The following FTCD variants were observed in gnomAD, a reference collection of about 807,000 sequenced individuals.
FTCD encodes formimidoyltransferase cyclodeaminase, also known as formimidoyltransferase-cyclodeaminase.
In FTCD, 76 loss-of-function variants were observed where a neutral mutation model predicts 62.9. The observed-to-expected ratio is 1.21, with a 90% CI of 1.00 to 1.46. The LOEUF (loss-of-function observed/expected upper bound fraction) is 1.46, where lower values mean the gene tolerates loss of function less well. Ranked by LOEUF, FTCD falls within the 40% of genes most tolerant of loss-of-function variation. The pLI, the probability that FTCD is intolerant of heterozygous loss-of-function variation, is 0.00. For missense variants in FTCD, 845 were observed against 751.3 expected, an observed-to-expected ratio of 1.12 and a Z score of -1.46; for synonymous variants, 397 against 336.9, an observed-to-expected ratio of 1.18 and a Z score of -1.95.
intron 12 of FTCD, among the ~76,000 whole-genome samples, chr21:46,137,991 T>A (rs1198075557): frequency 6.6e-6 from 1 of 152,172 alleles, no homozygotes; most frequent in Non-Finnish European, 1.5e-5. Flanking sequence ...TGACCTCCTG[T>A]GCTCAAGCAA....
Position 46,138,739 on chromosome 21 carries a change from A to G in FTCD, c.1305-93T>C, listed in dbSNP as rs899798347. On this transcript the variant is annotated intron_variant, in intron 11 of 13. Coordinates refer to ENST00000397746, the MANE Select transcript of FTCD (RefSeq NM_206965.2). ...CCAACAGGGCTGAGCAGGCTGCAGA[A>G]GCGGGCGATGGGAAGTCATTCCCAA... 27 of 1,485,554 alleles carry G rather than the reference A, an allele frequency of 1.8e-5. 1 individual carries two copies. The highest frequency in any genetic ancestry group is 4.5e-5 in the South Asian group (4 of 88,824). The allele number at this position is 1,485,554 out of a possible 1,614,324, so 92.0% of individuals were successfully genotyped here. A position where few individuals can be genotyped will look rare whatever the true frequency, so the allele number is the denominator to read the frequency against.
chr21:46,145,326 C>A, intron 10 of FTCD, 91 bp downstream of exon 10: 1 of 1,117,342 alleles, frequency 8.9e-7, no homozygotes, highest in African/African-American at 1.5e-5. Context: ...AGCCCCTCCC[C>A]AGCCGGAGGC....
intron 1 of FTCD, 129 bp downstream of exon 1, chr21:46,155,341 G>A: frequency 2.6e-6 from 2 of 778,324 alleles, no homozygotes; most frequent in East Asian, 2.7e-5. Flanking sequence ...GGGCCCACGG[G>A]CAGCGGCTCT....
intron 10 of FTCD, among the ~76,000 whole-genome samples, chr21:46,141,716 T>TAAAA (rs111415592): frequency 6.9e-6 from 1 of 145,184 alleles, no homozygotes; most frequent in African/African-American, 2.5e-5. Flanking sequence ...CCTCCCCTAT[T>TAAAA]AAAAAAAAAA....
chr21:46,136,412 G>C (rs757576836), downstream of FTCD: 2 of 1,610,830 alleles, frequency 1.2e-6, no homozygotes, highest in Admixed American at 1.7e-5. Flanking sequence ...GTGCTCTGTG[G>C]AACTGTCCAG....
intron 5 of FTCD, 148 bp downstream of exon 5, chr21:46,151,410 G>T (rs933286592): frequency 2.7e-6 from 2 of 739,318 alleles, no homozygotes; most frequent in Non-Finnish European, 4.6e-6. Flanking sequence ...CGGTGTGGAC[G>T]CGGAGGCTGG....
At chr21:46,137,360 C>G (rs201425308) in intron 12 of FTCD, 26 bp from the exon 13 acceptor site, 1 of 1,569,740 alleles carries the variant, frequency 6.4e-7, no homozygotes, top group African/African-American at 1.4e-5. Flanking sequence ...GGAGCCCCTA[C>G]ATGGATCAAG....
Position 46,146,334 on chromosome 21 carries a change from A to G in FTCD, c.907-7T>C. 1.9e-6 allele frequency: 3 copies of G among 1,594,486 alleles called. No individual in the cohort carries two copies. The South Asian group carries it at 3.4e-5, about 18-fold the overall frequency. ...GGCCCAGCCGGCTCACCACCTGGAAAAGGGGCTTGGAGTGGAAACGGCCTC... is the reference window on the plus strand; with the variant it reads ...GGCCCAGCCGGCTCACCACCTGGAAGAGGGGCTTGGAGTGGAAACGGCCTC... On this transcript the variant is annotated splice_region_variant and splice_polypyrimidine_tract_variant and intron_variant, in intron 7 of 13. Transcript: ENST00000397746.
intron 3 of FTCD, 166 bp downstream of exon 3, chr21:46,152,741 C>A (rs180884892): frequency 5.1e-5 from 31 of 607,664 alleles, no homozygotes; most frequent in Non-Finnish European, 8.3e-5. Flanking sequence ...GGCGAGGCTG[C>A]GTTTATTTCG....
Position 46,152,919 on chromosome 21 carries a change from G to C in FTCD, c.355C>G (p.Leu119Val). The C allele has an allele frequency of 1.3e-6, 2 of 1,569,504 alleles. No individual in the cohort carries two copies. Among genetic ancestry groups the C allele is most frequent in the Non-Finnish European group, 1.7e-6 (2 of 1,157,710 alleles). The change falls in exon 3 of 14, where the codon CTG (leucine) becomes GTG (valine). Residue 119 changes from leucine to valine, a missense_variant. By Grantham distance (32) the Leu-to-Val change is conservative. Coordinates refer to ENST00000397746, the MANE Select transcript of FTCD (RefSeq NM_206965.2). ...QAFGQRLAEELDVPVYLYGEA... is the reference protein window; with the variant it reads ...QAFGQRLAEEVDVPVYLYGEA... ...GGGGCACGCTCACCTGGCACGTCCA[G>C]CTCCTCTGCCAGCCTCTGGCCAAAG...
rs368540665 is a variant in FTCD at position 46,137,281 on chromosome 21, G to A, written c.1497C>T (p.Leu499=). The A allele has an allele frequency of 1.5e-5, 24 of 1,613,746 alleles. No individual in the cohort carries two copies. The African/African-American group carries it at 1.9e-4, about 13-fold the overall frequency. ...CGTCTGTGATGTCCCTCAGGTTGAT[G>A]AGCACGTTGAAATATGCGCCAAACA... The part of the protein sequence containing the change: ...MGVFGAYFNV[L]INLRDITDEA... The change falls in exon 13 of 14, where the codon CTC becomes CTT. Residue 499 remains leucine, a synonymous_variant. Coordinates refer to ENST00000397746, the MANE Select transcript of FTCD (RefSeq NM_206965.2).
Position 46,136,827 on chromosome 21 carries a change from G to C in FTCD, c.*160C>G. The C allele has an allele frequency of 1.3e-6, 2 of 1,549,400 alleles. No individual in the cohort carries two copies. Among genetic ancestry groups the C allele is most frequent in the Non-Finnish European group, 1.7e-6 (2 of 1,146,402 alleles). On this transcript the variant is annotated 3_prime_UTR_variant, in exon 14 of 14. Transcript: ENST00000397746. ...GGTCACATGGGACTAGGGGCCTTCT[G>C]TCCCTGCCAGCGCCTCCATTCCCAG...
chr21:46,145,960 C>A lies in FTCD; in HGVS notation c.969-13G>T. The A allele has an allele frequency of 6.9e-7, 1 of 1,453,708 alleles. No individual in the cohort carries two copies. Among genetic ancestry groups the A allele is most frequent in the Non-Finnish European group, 9.1e-7 (1 of 1,093,820 alleles). 90.1% of individuals were successfully genotyped at this position (1,453,708 alleles called of 1,614,324 possible). A position where few individuals can be genotyped will look rare whatever the true frequency, so the allele number is the denominator to read the frequency against. On this transcript the variant is annotated splice_polypyrimidine_tract_variant and intron_variant, in intron 8 of 13. Coordinates refer to ENST00000397746, the MANE Select transcript of FTCD (RefSeq NM_206965.2). ...AGGGACCAGGTACCTGCAGGGTGGGCGCGGCTCAGCGGGTCTGGCCGGGGT... is the reference window on the plus strand; with the variant it reads ...AGGGACCAGGTACCTGCAGGGTGGGAGCGGCTCAGCGGGTCTGGCCGGGGT...
intron 10 of FTCD, chr21:46,142,326 C>T (rs1019670470): frequency 6.8e-6 from 1 of 146,196 alleles, no homozygotes; most frequent in Non-Finnish European, 1.5e-5. Context: ...CCGGTGAGGC[C>T]GCAGACCTTC....
Position 46,145,589 on chromosome 21 carries a change from G to A in FTCD, c.1099-11C>T, listed in dbSNP as rs1164897596. The A allele has an allele frequency of 5.9e-6, 9 of 1,528,152 alleles. No individual in the cohort carries two copies. Among genetic ancestry groups the A allele is most frequent in the South Asian group, 1.2e-5 (1 of 83,430 alleles). 94.7% of individuals were successfully genotyped at this position (1,528,152 alleles called of 1,614,324 possible). A position where few individuals can be genotyped will look rare whatever the true frequency, so the allele number is the denominator to read the frequency against. ...GCCCAGCGCCGCACCCTGCGAGAGG[G>A]GTGGATGTGGGGGTCGCAGGGACCC... On this transcript the variant is annotated splice_polypyrimidine_tract_variant and intron_variant, in intron 9 of 13. Transcript: ENST00000397746.
chr21:46,151,969 C>A lies in FTCD; in HGVS notation c.379G>T (p.Gly127Cys), dbSNP rs766010122. The A allele has an allele frequency of 1.9e-6, 3 of 1,566,398 alleles. No individual in the cohort carries two copies. The highest frequency in any genetic ancestry group is 1.2e-5 in the South Asian group (1 of 85,498). The change falls in exon 4 of 14, where the codon GGC becomes TGC. Residue 127 changes from glycine (G) to cysteine (C), a missense_variant. Physicochemically the swap from Gly to Cys is radical, Grantham distance 159. Coordinates refer to ENST00000397746, the MANE Select transcript of FTCD (RefSeq NM_206965.2). Reference sequence around the variant, plus strand: ...CGACTGTCCATCCTGGCTGCCTCGCCGTACAGGTAAACTGCAGGAGAGCCC... The same window carrying A: ...CGACTGTCCATCCTGGCTGCCTCGCAGTACAGGTAAACTGCAGGAGAGCCC... ...EELDVPVYLY[G>C]EAARMDSRRT...
At position 46,138,626 on chromosome 21, in the gene FTCD, T is replaced by G. The variant is rs754699274; in HGVS notation, c.1325A>C (p.Glu442Ala). Reference sequence around the variant, plus strand: ...CACAGAGACTGCCCGCCTCAGACCCTCCTGTAGGGCCGCCGTGCGCCTGAA... The same window carrying G: ...CACAGAGACTGCCCGCCTCAGACCCGCCTGTAGGGCCGCCGTGCGCCTGAA... ...EKDRRTAALQ[E>A]GLRRAVSVPL... The change falls in exon 12 of 14, where the codon GAG becomes GCG. Residue 442 changes from glutamate to alanine, a missense_variant. Transcript: ENST00000397746. The G allele has an allele frequency of 6.3e-7, 1 of 1,594,540 alleles. No individual in the cohort carries two copies. The highest frequency in any genetic ancestry group is 1.1e-5 in the South Asian group (1 of 90,206).
Position 46,146,261 on chromosome 21 carries a change from C to T in FTCD, c.968+5G>A. 1.3e-6 allele frequency: 2 copies of T among 1,591,866 alleles called. No individual in the cohort carries two copies. Among genetic ancestry groups the T allele is most frequent in the Non-Finnish European group, 1.7e-6 (2 of 1,165,182 alleles). ...TGAGAAGAGGGCGGGAGGGCAGAGG[C>T]TCACTCGATGATCCGCTCCTTAGGG... On this transcript the variant is annotated splice_donor_5th_base_variant and intron_variant, in intron 8 of 13. Coordinates refer to ENST00000397746, the MANE Select transcript of FTCD (RefSeq NM_206965.2).
chr21:46,146,191 G>C, intron 8 of FTCD, 75 bp downstream of exon 8: 3 of 1,070,900 alleles, frequency 2.8e-6, no homozygotes, highest in Non-Finnish European at 4.2e-6. Context: ...TCCACGCAGG[G>C]ACCCCAGCGC....
Sources: gnomAD v4.1 joint callset for allele counts (sites outside exome capture counted in the v4.1 genomes callset) on GRCh38, gnomAD v4.1.1 for gene constraint, MANE v1.5 for transcripts, NCBI Gene and HGNC (gene_info 2026-07-23, HGNC 2026-07-21) for gene names.